The following MTSS1 variants were observed in gnomAD, a reference collection of about 807,000 sequenced individuals.
The protein encoded by MTSS1 is protein MTSS 1.
MTSS1 carries 18 observed loss-of-function variants against 79.0 expected under a neutral mutation model. That is an observed-to-expected ratio of 0.23 (90% CI 0.16 to 0.34). The LOEUF (loss-of-function observed/expected upper bound fraction) is 0.34, where lower values mean the gene tolerates loss of function less well. Ranked by LOEUF, MTSS1 falls within the 10% of genes least tolerant of loss-of-function variation. The probability of loss-of-function intolerance (pLI) is 1.00; values close to 1 mark genes in which losing one functional copy is unlikely to be tolerated. For synonymous variants in MTSS1, 341 were observed against 368.6 expected (o/e 0.93, Z 0.86); for missense variants, 815 against 986.2 (o/e 0.83, Z 2.33).
rs1177339314 is a variant in MTSS1 at position 124,551,529 on chromosome 8, G to C, written c.*1463C>G. 1 of 152,626 alleles carries C rather than the reference G, an allele frequency of 6.6e-6. No individual in the cohort carries two copies. Among genetic ancestry groups the C allele is most frequent in the Non-Finnish European group, 1.5e-5 (1 of 68,038 alleles). 9.5% of individuals were successfully genotyped at this position (152,626 alleles called of 1,614,324 possible). A position where few individuals can be genotyped will look rare whatever the true frequency, so the allele number is the denominator to read the frequency against. ...GGGTTAGAGCCAACAGGAATCTGCA[G>C]GGTGTATGAAACCCACCAAACTCCT... On this transcript the variant is annotated 3_prime_UTR_variant, in exon 14 of 14. Transcript: ENST00000518547.
At chr8:124,716,375 C>A (rs1203771473) in intron 1 of MTSS1, among the ~76,000 whole-genome samples, 1 of 152,216 alleles carries the variant, frequency 6.6e-6, no homozygotes, top group Non-Finnish European at 1.5e-5. Flanking sequence ...CTCATTTCGT[C>A]TGCCTGATCG....
At chr8:124,669,192 A>G (rs565695566) in intron 3 of MTSS1, among the ~76,000 whole-genome samples, 9 of 152,358 alleles carry the variant, frequency 5.9e-5, no homozygotes, top group African/African-American at 2.2e-4. Flanking sequence ...AGAAGATTTC[A>G]GCCCCACGGT....
intron 3 of MTSS1, among the ~76,000 whole-genome samples, chr8:124,660,571 G>A (rs1203878153): frequency 6.6e-6 from 1 of 151,860 alleles, no homozygotes; most frequent in Non-Finnish European, 1.5e-5. Flanking sequence ...AACAGAAGAG[G>A]AAGTTCCTTG....
intron 1 of MTSS1, among the ~76,000 whole-genome samples, chr8:124,716,802 T>C (rs1221750495): frequency 6.6e-6 from 1 of 152,098 alleles, no homozygotes; most frequent in Non-Finnish European, 1.5e-5. Context: ...CCTTTAGATG[T>C]AATCCACGGT....
At chr8:124,633,227 G>T (rs1188354409) in intron 3 of MTSS1, among the ~76,000 whole-genome samples, 2 of 152,032 alleles carry the variant, frequency 1.3e-5, no homozygotes, top group Admixed American at 1.3e-4. Flanking sequence ...CCAGCCAAAG[G>T]GTTGTTGTCA....
intron 3 of MTSS1, among the ~76,000 whole-genome samples, chr8:124,676,710 C>T (rs1373727837): frequency 6.6e-6 from 1 of 152,126 alleles, no homozygotes; most frequent in African/African-American, 2.4e-5. Context: ...GTCTCCGTTC[C>T]CTTGAATTCT....
intron 3 of MTSS1, among the ~76,000 whole-genome samples, chr8:124,694,158 G>T (rs934080580): frequency 6.6e-6 from 1 of 152,044 alleles, no homozygotes; most frequent in Admixed American, 6.6e-5. Context: ...TCAAAATGGG[G>T]AATAAAATTC....
At chr8:124,635,632 T>C (rs1816835623) in intron 3 of MTSS1, among the ~76,000 whole-genome samples, 1 of 152,184 alleles carries the variant, frequency 6.6e-6, no homozygotes, top group Admixed American at 6.5e-5. Flanking sequence ...TCTGCCATGC[T>C]AAGTTGCTTG....
intron 4 of MTSS1, among the ~76,000 whole-genome samples, chr8:124,590,457 C>T (rs190980019): frequency 2.0e-5 from 3 of 152,278 alleles, no homozygotes; most frequent in East Asian, 3.9e-4. Flanking sequence ...TAAGTATGCA[C>T]AGCCTGGAGA....
At chr8:124,568,951 G>T (rs1827164382) in intron 6 of MTSS1, 3 of 953,636 alleles carry the variant, frequency 3.1e-6, no homozygotes, top group Non-Finnish European at 2.7e-6. Context: ...ACGGGCACGG[G>T]CTGGCTTTGT....
intron 1 of MTSS1, among the ~76,000 whole-genome samples, chr8:124,716,668 T>A (rs1183378251): frequency 6.6e-6 from 1 of 152,160 alleles, no homozygotes; most frequent in Non-Finnish European, 1.5e-5. Flanking sequence ...CCAGGGACAC[T>A]TTTGCTCATT....
At chr8:124,605,528 C>A (rs771102383) in intron 3 of MTSS1, among the ~76,000 whole-genome samples, 1 of 151,938 alleles carries the variant, frequency 6.6e-6, no homozygotes, top group African/African-American at 2.4e-5. Context: ...TGGGACTCTG[C>A]GGAGACAGCC....
intron 3 of MTSS1, among the ~76,000 whole-genome samples, chr8:124,635,698 A>C (rs775474392): frequency 1.6e-4 from 25 of 152,216 alleles, no homozygotes; most frequent in Non-Finnish European, 3.2e-4. Context: ...TGCAAGATCT[A>C]GTAGACAACG....
At chr8:124,671,365 CGAAT>C (rs2134657707) in intron 3 of MTSS1, among the ~76,000 whole-genome samples, 1 of 152,242 alleles carries the variant, frequency 6.6e-6, no homozygotes, top group Non-Finnish European at 1.5e-5. Flanking sequence ...CACCATACCT[CGAAT>C]GATGGGGCCC....
At chr8:124,716,181 C>T (rs372287518) in intron 1 of MTSS1, among the ~76,000 whole-genome samples, 17 of 152,286 alleles carry the variant, frequency 1.1e-4, no homozygotes, top group African/African-American at 3.1e-4. Context: ...GCAGCATACT[C>T]GAGATATAAA....
Position 124,557,860 on chromosome 8 carries a change from A to C in MTSS1, c.1051T>G (p.Ser351Ala). 1 of 1,595,926 alleles carries C rather than the reference A, an allele frequency of 6.3e-7. No homozygotes were observed. The highest frequency in any genetic ancestry group is 8.5e-7 in the Non-Finnish European group (1 of 1,171,000). ...GACTCACTTGATAAACTATAGTGAG[A>C]AAACCCGTTAGACAACTGGAAACAA... ...EAPNQLSNGF[S>A]HYSLSSESHV... is the part of the protein sequence containing the mutation. The change falls in exon 11 of 14, where the codon TCT (serine) becomes GCT (alanine). Residue 351 changes from serine to alanine, a missense_variant. By Grantham distance (99) the Ser-to-Ala change is moderately conservative. Around this residue, in one of 2 missense-constraint regions of MTSS1, gnomAD observed 590 missense variants for 620.8 expected, o/e 0.95. Transcript: ENST00000518547.
intron 3 of MTSS1, among the ~76,000 whole-genome samples, chr8:124,593,555 G>A (rs572468368): frequency 2.6e-5 from 4 of 152,342 alleles, no homozygotes; most frequent in African/African-American, 9.6e-5. Flanking sequence ...ACCACCATGC[G>A]ATGGAATTGC....
At chr8:124,635,942 G>A (rs1816899282) in intron 3 of MTSS1, among the ~76,000 whole-genome samples, 1 of 152,014 alleles carries the variant, frequency 6.6e-6, no homozygotes, top group Non-Finnish European at 1.5e-5. Context: ...GCACCTGAAC[G>A]AGTCTTTAAG....
At chr8:124,559,885 G>A (rs531673716) in intron 10 of MTSS1, among the ~76,000 whole-genome samples, 1 of 152,268 alleles carries the variant, frequency 6.6e-6, no homozygotes, top group South Asian at 2.1e-4. Flanking sequence ...CCTCTCTATT[G>A]TAATTTATCT....
Sources: allele counts gnomAD v4.1 joint callset (sites outside exome capture counted in the v4.1 genomes callset), GRCh38; gene constraint gnomAD v4.1.1; regional missense constraint gnomAD v4.1.1; transcripts MANE v1.5; gene names NCBI Gene and HGNC (gene_info 2026-07-23, HGNC 2026-07-21).